Variants in SPON1 observed in about 807,000 individuals in gnomAD.
The protein encoded by SPON1 is spondin-1.
Under a neutral mutation model 111.7 loss-of-function variants are expected in SPON1, and 52 were observed. The observed-to-expected ratio is 0.47, with a 90% confidence interval of 0.37 to 0.59. The LOEUF is 0.59. Ranked by LOEUF, SPON1 falls within the 20% of genes least tolerant of loss-of-function variation. The pLI, the probability that SPON1 is intolerant of heterozygous loss-of-function variation, is 0.00. For missense variants in SPON1, 957 were observed against 1,068.5 expected, an observed-to-expected ratio of 0.90 and a Z score of 1.46; for synonymous variants, 410 against 395.8, an observed-to-expected ratio of 1.04 and a Z score of -0.43.
At chr11:14,164,551 G>A (rs76965695) in intron 6 of SPON1, among the ~76,000 whole-genome samples, 12,371 of 152,124 alleles carry the variant, frequency 0.081, 657 homozygotes, top group East Asian at 0.18. Flanking sequence ...TCTAAGCTAC[G>A]ATATTTGAGG....
intron 2 of SPON1, among the ~76,000 whole-genome samples, chr11:14,037,956 A>G (rs782353390): frequency 6.6e-6 from 1 of 152,192 alleles, no homozygotes; most frequent in Non-Finnish European, 1.5e-5. Flanking sequence ...ACTTGAGGTC[A>G]GGAGTTCGAG....
chr11:14,173,223 C>G (rs1161873056), intron 6 of SPON1, among the ~76,000 whole-genome samples: 1 of 152,006 alleles, frequency 6.6e-6, no homozygotes, highest in Non-Finnish European at 1.5e-5. Context: ...AACTTCTCTT[C>G]TCACTTCATT....
At chr11:14,209,016 G>A (rs1004433395) in intron 6 of SPON1, among the ~76,000 whole-genome samples, 27 of 152,084 alleles carry the variant, frequency 1.8e-4, no homozygotes, top group African/African-American at 5.1e-4. Context: ...AATAAGTGGC[G>A]ATTCTGATTT....
At chr11:14,224,800 G>C (rs781881704) in intron 6 of SPON1, 2 of 454,950 alleles carry the variant, frequency 4.4e-6, no homozygotes, top group Admixed American at 4.5e-5. Flanking sequence ...GTGAGCCCTT[G>C]GGCTCCATGC....
intron 6 of SPON1, among the ~76,000 whole-genome samples, chr11:14,207,205 C>T (rs1359386387): frequency 1.3e-5 from 2 of 152,156 alleles, no homozygotes; most frequent in African/African-American, 2.4e-5. Context: ...GAAACTGGAC[C>T]TCTTCATTAC....
At chr11:14,020,896 T>C (rs782076237) in intron 2 of SPON1, among the ~76,000 whole-genome samples, 2 of 152,140 alleles carry the variant, frequency 1.3e-5, no homozygotes, top group Non-Finnish European at 2.9e-5. Context: ...TACTAACTCA[T>C]AGAGCTATAG....
chr11:14,094,152 C>T (rs1462783542), intron 5 of SPON1, among the ~76,000 whole-genome samples: 2 of 150,100 alleles, frequency 1.3e-5, no homozygotes, highest in Non-Finnish European at 2.9e-5. Context: ...GCAGAGGTTG[C>T]AGTGAGCCGA....
At position 14,265,453 on chromosome 11, in the gene SPON1, T is replaced by C. The variant is rs1186327737; in HGVS notation, c.2261-71T>C. ...GAGCCCAGACAAGCACATTTCACAG[T>C]TCTACTAGAGTTCAGCATCCCTGTT... On this transcript the variant is annotated intron_variant, in intron 15 of 15. Coordinates refer to ENST00000576479, the MANE Select transcript of SPON1 (RefSeq NM_006108.4). 2.7e-6 allele frequency: 4 copies of C among 1,502,878 alleles called. No homozygotes were observed. The African/African-American group carries it at 4.2e-5, about 16-fold the overall frequency. The allele number at this position is 1,502,878 out of a possible 1,614,324, so 93.1% of individuals were successfully genotyped here. A position where few individuals can be genotyped will look rare whatever the true frequency, so the allele number is the denominator to read the frequency against.
chr11:14,220,801 G>A (rs1848672635), intron 6 of SPON1, among the ~76,000 whole-genome samples: 2 of 152,276 alleles, frequency 1.3e-5, no homozygotes, highest in Non-Finnish European at 2.9e-5. Flanking sequence ...CATACTGGTG[G>A]TAATGTTAAT....
intron 2 of SPON1, among the ~76,000 whole-genome samples, chr11:14,012,941 C>G (rs748658428): frequency 3.3e-4 from 50 of 152,146 alleles, no homozygotes; most frequent in Non-Finnish European, 6.5e-4. Context: ...TTTACATATT[C>G]TGCCTTACTG....
intron 6 of SPON1, among the ~76,000 whole-genome samples, chr11:14,242,142 C>T (rs1591424099): frequency 6.6e-6 from 1 of 152,180 alleles, no homozygotes; most frequent in African/African-American, 2.4e-5. Flanking sequence ...TTTTTATAAC[C>T]TCTGGGCCTG....
chr11:13,983,591 C>T (rs1554909964), intron 2 of SPON1, among the ~76,000 whole-genome samples: 1 of 152,038 alleles, frequency 6.6e-6, no homozygotes, highest in Non-Finnish European at 1.5e-5. Context: ...ACAAGGACCC[C>T]GACAGTGAGT....
intron 2 of SPON1, among the ~76,000 whole-genome samples, chr11:13,993,728 G>A (rs1848249663): frequency 6.6e-6 from 1 of 152,128 alleles, no homozygotes; most frequent in African/African-American, 2.4e-5. Flanking sequence ...AGATCTACAG[G>A]GCAGGATTTT....
chr11:14,121,165 G>A (rs76493244), intron 5 of SPON1, among the ~76,000 whole-genome samples: 4,677 of 152,254 alleles, frequency 0.031, 201 homozygotes, highest in East Asian at 0.24. Flanking sequence ...GGCTGGGAGT[G>A]GTGGTGGGGT....
At chr11:14,031,008 T>C (rs1848554928) in intron 2 of SPON1, among the ~76,000 whole-genome samples, 1 of 152,266 alleles carries the variant, frequency 6.6e-6, no homozygotes, top group South Asian at 2.1e-4. Context: ...ATATATACCA[T>C]GGAATACTAC....
chr11:14,012,598 A>G (rs571886873), intron 2 of SPON1, among the ~76,000 whole-genome samples: 2 of 152,312 alleles, frequency 1.3e-5, no homozygotes, highest in African/African-American at 4.8e-5. Context: ...CGATTTGGCA[A>G]AAACAGACTC....
chr11:14,220,617 G>A (rs553522515), intron 6 of SPON1, among the ~76,000 whole-genome samples: 8 of 152,196 alleles, frequency 5.3e-5, no homozygotes, highest in East Asian at 3.9e-4. Flanking sequence ...CTCTAATATA[G>A]CATCATAAAA....
intron 6 of SPON1, among the ~76,000 whole-genome samples, chr11:14,230,478 A>G (rs1291193144): frequency 6.6e-6 from 1 of 152,170 alleles, no homozygotes; most frequent in Non-Finnish European, 1.5e-5. Context: ...CTCCTTGCCT[A>G]ACAAAGCCTA....
intron 5 of SPON1, among the ~76,000 whole-genome samples, chr11:14,090,824 G>GCCACCCC (rs1849046497): frequency 0.012 from 531 of 45,568 alleles, 37 homozygotes; most frequent in East Asian, 0.02. Context: ...CTCTTATCTG[G>GCCACCCC]CCCCCCCCCC....
Sources: allele counts gnomAD v4.1 joint callset (sites outside exome capture counted in the v4.1 genomes callset), GRCh38; gene constraint gnomAD v4.1.1; transcripts MANE v1.5; gene names NCBI Gene and HGNC (gene_info 2026-07-23, HGNC 2026-07-21).